Variants in KIF13A observed in about 807,000 individuals in gnomAD.
KIF13A encodes kinesin-like protein KIF13A.
In KIF13A, 79 loss-of-function variants were observed where a neutral mutation model predicts 212.2. The ratio of observed to expected loss-of-function variants is 0.37; its 90% CI spans 0.31 to 0.45. The LOEUF (loss-of-function observed/expected upper bound fraction) is 0.45. KIF13A is among the 20% of genes least tolerant of loss of function. KIF13A has a pLI of 1.00. For missense variants in KIF13A, 1,901 were observed against 2,209.0 expected (o/e 0.86, Z 2.79); for synonymous variants, 789 against 808.6 (o/e 0.98, Z 0.41).
chr6:17,886,274 A>G lies in KIF13A; in HGVS notation c.159+11894T>C, dbSNP rs938761653. Among the ~76,000 whole-genome samples the G allele has an allele frequency of 6.6e-6, 1 of 152,186 alleles. No individual in the cohort carries two copies. The highest frequency in any genetic ancestry group is 1.5e-5 in the Non-Finnish European group (1 of 68,038). Reference sequence around the variant, plus strand: ...CTATCTCTCCAGTCCCCTCTGCCTCACTGCACCATGCCAGGTACATAGAGC... The same window carrying G: ...CTATCTCTCCAGTCCCCTCTGCCTCGCTGCACCATGCCAGGTACATAGAGC... On this transcript the variant is annotated intron_variant, in intron 3 of 38. Transcript: ENST00000259711. The surrounding 1 kb of genome is among the most constrained non-coding windows in gnomAD (Gnocchi z 5.6).
chr6:17,868,128 T>G (rs370622120), intron 4 of KIF13A, among the ~76,000 whole-genome samples: 1 of 152,268 alleles, frequency 6.6e-6, no homozygotes, highest in Non-Finnish European at 1.5e-5. Context: ...AGAACTGTTA[T>G]ATAATTTCTG....
chr6:17,869,008 A>AC, intron 4 of KIF13A, among the ~76,000 whole-genome samples: 2 of 149,168 alleles, frequency 1.3e-5, no homozygotes, highest in South Asian at 2.1e-4. Context: ...AAAAAAAAAA[A>AC]AAAAAAAAAA....
intron 2 of KIF13A, among the ~76,000 whole-genome samples, chr6:17,936,072 T>A (rs1044279875): frequency 6.6e-6 from 1 of 152,242 alleles, no homozygotes; most frequent in Non-Finnish European, 1.5e-5. Flanking sequence ...ATTACTTATG[T>A]CAAAGTCCAG....
chr6:17,873,438 CTGAA>C lies in KIF13A; in HGVS notation c.160-5_160-2del. ...AAAAGCAATAATCAAAGGCAAATAC[CTGAA>C]TGAAAGAACAAAATATTAAACTTAA... On this transcript the variant is annotated splice_acceptor_variant and splice_polypyrimidine_tract_variant and intron_variant, in intron 3 of 38. Transcript: ENST00000259711. LOFTEE classifies it high-confidence loss of function. The C allele has an allele frequency of 6.4e-7, 1 of 1,571,048 alleles. No homozygotes were observed. The highest frequency in any genetic ancestry group is 8.7e-7 in the Non-Finnish European group (1 of 1,154,354).
chr6:17,923,911 A>C (rs1002561121), intron 2 of KIF13A, among the ~76,000 whole-genome samples: 6 of 152,190 alleles, frequency 3.9e-5, no homozygotes, highest in African/African-American at 1.4e-4. Context: ...AATAATAACC[A>C]GTATTTACAT....
At chr6:17,959,845 G>A (rs1050997864) in intron 2 of KIF13A, among the ~76,000 whole-genome samples, 4 of 152,170 alleles carry the variant, frequency 2.6e-5, no homozygotes, top group African/African-American at 9.6e-5. Flanking sequence ...CCAACATGGA[G>A]AAACCTCGTC....
chr6:17,778,921 C>A, intron 33 of KIF13A, 26 bp downstream of exon 33: 1 of 1,556,200 alleles, frequency 6.4e-7, no homozygotes, highest in South Asian at 1.2e-5. Context: ...TGCTTTCATC[C>A]TCGGTCCAGA....
chr6:17,896,272 CTCTG>C lies in KIF13A; in HGVS notation c.159+1892_159+1895del, dbSNP rs1449171767. Among the ~76,000 whole-genome samples the C allele has an allele frequency of 1.4e-3, 167 of 123,436 alleles. 1 individual carries two copies. The highest frequency in any genetic ancestry group is 2.4e-4 in the Non-Finnish European group (15 of 61,980). 81.0% of individuals were successfully genotyped at this position (123,436 alleles called of 152,430 possible). On this transcript the variant is annotated intron_variant, in intron 3 of 38. Coordinates refer to ENST00000259711, the MANE Select transcript of KIF13A (RefSeq NM_022113.6). ...CCCCACCCCCATTAGAATGCTAGAG[CTCTG>C]TCTGACTCATGCAGCACCTGTCCCC...
rs550086245 is a variant in KIF13A, at chr6:17,795,919, G to T, written c.2942+750C>A. Among the ~76,000 whole-genome samples the T allele has an allele frequency of 2.4e-4, 36 of 152,248 alleles. No individual in the cohort carries two copies. In the East Asian group the frequency reaches 6.8e-3, roughly 29 times the overall value. The stretch of plus-strand genomic sequence containing the variant: ...TGTAGGCATTATAGTTTAAGTTGTT[G>T]TATTTAAGGTTATGTATGATTCATC... On this transcript the variant is annotated intron_variant, in intron 23 of 38. Coordinates refer to ENST00000259711, the MANE Select transcript of KIF13A (RefSeq NM_022113.6).
intron 17 of KIF13A, among the ~76,000 whole-genome samples, chr6:17,810,669 C>G (rs1763356686): frequency 6.6e-6 from 1 of 152,188 alleles, no homozygotes; most frequent in South Asian, 2.1e-4. Context: ...GAGCCCTGAG[C>G]TTGTTTTCCT....
intron 17 of KIF13A, among the ~76,000 whole-genome samples, chr6:17,813,749 G>A (rs1488672987): frequency 6.6e-6 from 1 of 152,034 alleles, no homozygotes; most frequent in Non-Finnish European, 1.5e-5. Flanking sequence ...TACAGGAAGA[G>A]CTCTACAGTC....
Position 17,763,914 on chromosome 6 carries a change from A to T in KIF13A, c.*196T>A. On this transcript the variant is annotated 3_prime_UTR_variant, in exon 39 of 39. Coordinates refer to ENST00000259711, the MANE Select transcript of KIF13A (RefSeq NM_022113.6). Reference sequence around the variant, plus strand: ...ACACCAACCCATGTGCCAGGTAAAAAAATCCACTGGTCTTATAATTTCACA... The same window carrying T: ...ACACCAACCCATGTGCCAGGTAAAATAATCCACTGGTCTTATAATTTCACA... The T allele has an allele frequency of 7.0e-7, 1 of 1,423,890 alleles. No homozygotes were observed. Among genetic ancestry groups the T allele is most frequent in the Non-Finnish European group, 9.1e-7 (1 of 1,093,704 alleles). The allele number at this position is 1,423,890 out of a possible 1,614,324, so 88.2% of individuals were successfully genotyped here.
Position 17,949,598 on chromosome 6 carries a change from C to T in KIF13A, c.146+37456G>A, listed in dbSNP as rs1725423062. ...TACTTCTAAACAACATCACAAAATA[C>T]ACCTGTCACCAGTTCTTAATTTTCT... is the stretch of plus-strand genomic sequence containing the variant. On this transcript the variant is annotated intron_variant, in intron 2 of 38. Transcript: ENST00000259711. 2.6e-5 allele frequency among the ~76,000 whole-genome samples: 4 copies of T among 152,208 alleles called. No homozygotes were observed. In the South Asian group the frequency reaches 8.3e-4, roughly 32 times the overall value.
rs1456404265 is a variant in KIF13A, at chr6:17,963,951, GTAGA to G, written c.146+23099_146+23102del. Reference sequence around the variant, plus strand: ...ACCCTTAAAATGGGTGCATTTTATCGTAGATAAATTTACACCTCAGCTAGGCACA... The same window carrying G: ...ACCCTTAAAATGGGTGCATTTTATCGTAAATTTACACCTCAGCTAGGCACA... On this transcript the variant is annotated intron_variant, in intron 2 of 38. Coordinates refer to ENST00000259711, the MANE Select transcript of KIF13A (RefSeq NM_022113.6). This position sits in a 1 kb window ranked among gnomAD's most constrained non-coding sequence, Gnocchi z 4.1. Among the ~76,000 whole-genome samples the G allele has an allele frequency of 1.7e-4, 26 of 152,114 alleles. No homozygotes were observed. Among genetic ancestry groups the G allele is most frequent in the Admixed American group, 1.7e-3 (26 of 15,266 alleles).
In KIF13A at chr6:17,849,405, G is replaced by A. The variant is rs377524718; in HGVS notation, c.802C>T (p.Arg268Ter). 5 of 1,612,902 alleles carry A rather than the reference G, an allele frequency of 3.1e-6. No individual in the cohort carries two copies. The highest frequency in any genetic ancestry group is 1.3e-5 in the African/African-American group (1 of 74,960). The change falls in exon 9 of 39, where the codon CGA becomes TGA. Residue 268 changes from arginine to a stop codon, truncating the protein, a stop_gained. Transcript: ENST00000259711. LOFTEE classifies it high-confidence loss of function. The surrounding 1 kb of genome is among the most constrained non-coding windows in gnomAD (Gnocchi z 5.7). ...TTAATGTTGCTGCCTTCTTTCAGTC[G>A]CTCTCCTGCAGCTCCTGTTTTAGAT... is the stretch of plus-strand genomic sequence containing the variant. ...RVSKTGAAGE[R>*]LKEGSNINKS...
chr6:17,973,508 A>T (rs559355199), intron 2 of KIF13A, among the ~76,000 whole-genome samples: 5 of 152,290 alleles, frequency 3.3e-5, no homozygotes, highest in Admixed American at 6.5e-5. Flanking sequence ...CACCCTGGCC[A>T]AGAAGTAAAT....
Position 17,888,042 on chromosome 6 carries a change from T to C in KIF13A, c.159+10126A>G, listed in dbSNP as rs1019005643. 1.3e-5 allele frequency among the ~76,000 whole-genome samples: 2 copies of C among 152,006 alleles called. No individual in the cohort carries two copies. Among genetic ancestry groups the C allele is most frequent in the Non-Finnish European group, 1.5e-5 (1 of 67,998 alleles). On this transcript the variant is annotated intron_variant, in intron 3 of 38. Transcript: ENST00000259711. This position sits in a 1 kb window ranked among gnomAD's most constrained non-coding sequence, Gnocchi z 4.8. ...ATTCTTATCCTAAATTTCTGCACTT[T>C]GACACCCTATCCATACTTGCAGGCC...
At chr6:17,858,008 T>TA (rs1177417829) in intron 4 of KIF13A, among the ~76,000 whole-genome samples, 1 of 150,972 alleles carries the variant, frequency 6.6e-6, no homozygotes, top group Non-Finnish European at 1.5e-5. Flanking sequence ...ATGCTCAAAT[T>TA]AAAAAACATT....
intron 18 of KIF13A, among the ~76,000 whole-genome samples, chr6:17,806,862 A>C (rs1262696937): frequency 6.6e-6 from 1 of 152,222 alleles, no homozygotes; most frequent in Non-Finnish European, 1.5e-5. Context: ...CTGGGCAAAG[A>C]GCGAAACTCT....
Sources: gnomAD v4.1 joint callset for allele counts (sites outside exome capture counted in the v4.1 genomes callset) on GRCh38, gnomAD v4.1.1 for gene constraint, Gnocchi (gnomAD v3.1) non-coding constraint, MANE v1.5 for transcripts, NCBI Gene and HGNC (gene_info 2026-07-23, HGNC 2026-07-21) for gene names.